Variants in FDFT1 observed in about 807,000 individuals in gnomAD.
FDFT1 encodes the protein farnesyl-diphosphate farnesyltransferase 1.
Under a neutral mutation model 46.8 loss-of-function variants are expected in FDFT1, and 68 were observed. The observed-to-expected ratio is 1.45, with a 90% CI of 1.19 to 1.78. The LOEUF (loss-of-function observed/expected upper bound fraction) is 1.78, where lower values mean the gene tolerates loss of function less well. Among genes scored for constraint, FDFT1 ranks in the 40% most tolerant of loss-of-function variants. FDFT1 has a pLI of 0.00. For missense variants in FDFT1, 928 were observed against 524.4 expected, an observed-to-expected ratio of 1.77 and a Z score of -7.52; for synonymous variants, 351 against 185.1, an observed-to-expected ratio of 1.90 and a Z score of -7.28.
At chr8:11,828,417 T>C (rs1446920397) in intron 5 of FDFT1, among the ~76,000 whole-genome samples, 2 of 152,238 alleles carry the variant, frequency 1.3e-5, no homozygotes, top group Non-Finnish European at 2.9e-5. Context: ...ACCCCTCTTT[T>C]GCAGACACAG....
At chr8:11,830,689 C>G (rs1810652604) in intron 6 of FDFT1, among the ~76,000 whole-genome samples, 1 of 152,288 alleles carries the variant, frequency 6.6e-6, no homozygotes, top group Non-Finnish European at 1.5e-5. Context: ...TTCTTTTCCT[C>G]ACAGTTAAGT....
upstream of FDFT1, among the ~76,000 whole-genome samples, chr8:11,798,515 A>T (rs536062699): frequency 1.3e-5 from 2 of 152,260 alleles, no homozygotes; most frequent in Non-Finnish European, 2.9e-5. Flanking sequence ...TGGACTCCAC[A>T]GGACTTGATG....
chr8:11,823,035 G>A (rs183949646), intron 4 of FDFT1, among the ~76,000 whole-genome samples: 8 of 152,254 alleles, frequency 5.3e-5, no homozygotes, highest in Admixed American at 2.0e-4. Flanking sequence ...GCTCCCCGCA[G>A]CCTCAACCTC....
intron 4 of FDFT1, among the ~76,000 whole-genome samples, chr8:11,824,130 C>T (rs779139139): frequency 7.2e-5 from 11 of 152,142 alleles, no homozygotes; most frequent in African/African-American, 9.7e-5. Flanking sequence ...CCCAAAATTC[C>T]GGGATTACAG....
intron 3 of FDFT1, among the ~76,000 whole-genome samples, chr8:11,816,871 C>A (rs887359936): frequency 2.0e-5 from 3 of 152,254 alleles, no homozygotes; most frequent in East Asian, 3.9e-4. Context: ...CTTTCTCTTG[C>A]CTGATTATCC....
chr8:11,831,330 A>AG (rs1480223233), intron 6 of FDFT1, among the ~76,000 whole-genome samples, 188 bp from the exon 7 acceptor site: 4 of 152,218 alleles, frequency 2.6e-5, no homozygotes, highest in Non-Finnish European at 5.9e-5. Flanking sequence ...TTGTTGAGAA[A>AG]GGGAGGAGTG....
chr8:11,796,932 G>A (rs1372782071), intron 1 of FDFT1, among the ~76,000 whole-genome samples: 1 of 152,250 alleles, frequency 6.6e-6, no homozygotes, highest in African/African-American at 2.4e-5. Flanking sequence ...TGCTCCGCAG[G>A]CAGTGTGCTG....
chr8:11,822,307 C>T (rs923060527), intron 4 of FDFT1, among the ~76,000 whole-genome samples: 10 of 151,564 alleles, frequency 6.6e-5, no homozygotes, highest in Non-Finnish European at 1.2e-4. Context: ...TTTCAGACAT[C>T]TAAAGTGTTG....
chr8:11,814,612 C>G (rs917049472), intron 3 of FDFT1, among the ~76,000 whole-genome samples: 1 of 152,130 alleles, frequency 6.6e-6, no homozygotes, highest in African/African-American at 2.4e-5. Context: ...ATTCTTTGAA[C>G]TTAAAACAAG....
chr8:11,816,483 A>C (rs1585915727), intron 3 of FDFT1, among the ~76,000 whole-genome samples: 1 of 152,222 alleles, frequency 6.6e-6, no homozygotes, highest in South Asian at 2.1e-4. Flanking sequence ...CACGATACTG[A>C]TTCTTCCTAT....
rs117409620 is a variant in FDFT1 at position 11,832,363 on chromosome 8, C to T, written c.1032+693C>T. Among the ~76,000 whole-genome samples the T allele has an allele frequency of 2.4e-3, 357 of 151,354 alleles. 7 individuals are homozygous for T. In the East Asian group the frequency reaches 0.042, roughly 18 times the overall value. ...TGAGGCCAGGAATTCAAGACCAGCC[C>T]GGGCGACATAGCAAGACCCCATTTC... On this transcript the variant is annotated intron_variant, in intron 7 of 7. Transcript: ENST00000220584.
At chr8:11,831,090 CT>C (rs1405750128) in intron 6 of FDFT1, among the ~76,000 whole-genome samples, 3 of 152,284 alleles carry the variant, frequency 2.0e-5, no homozygotes, top group South Asian at 2.1e-4. Context: ...TGTTCTCCCC[CT>C]GGCATTGGTT....
intron 1 of FDFT1, among the ~76,000 whole-genome samples, chr8:11,806,986 C>T (rs1049996188): frequency 1.3e-5 from 2 of 151,160 alleles, no homozygotes; most frequent in Non-Finnish European, 2.9e-5. Context: ...AAAGATTGAC[C>T]CTTTTGGCAA....
intron 7 of FDFT1, among the ~76,000 whole-genome samples, chr8:11,833,952 G>GT (rs1428313182): frequency 6.6e-6 from 1 of 152,178 alleles, no homozygotes; most frequent in Non-Finnish European, 1.5e-5. Flanking sequence ...CCTGTTAATG[G>GT]TTTTAGTTTC....
chr8:11,823,418 T>C (rs1031210497), intron 4 of FDFT1, among the ~76,000 whole-genome samples: 1 of 152,228 alleles, frequency 6.6e-6, no homozygotes, highest in Non-Finnish European at 1.5e-5. Flanking sequence ...TTGAAGATTT[T>C]GTATAGCTGT....
At chr8:11,802,957 G>A (rs577085981) in intron 1 of FDFT1, 26 bp downstream of exon 1, 23 of 1,576,608 alleles carry the variant, frequency 1.5e-5, no homozygotes, top group South Asian at 1.3e-4. Context: ...CTGCTTGCCC[G>A]GGGCGGGGAA....
rs543433278 is a variant in FDFT1 at position 11,802,925 on chromosome 8, G to A, written c.93G>A (p.Met31Ile). The part of the protein sequence containing the change: ...IGGKRKVMPK[M>I]DQDSLSSSLK... The stretch of plus-strand genomic sequence containing the variant: ...GCAAGCGGAAGGTGATGCCCAAGAT[G>A]GACCAGGTGGGCCGAGCCTCCCTGC... Residue 31 changes from methionine (M) to isoleucine (I), a missense_variant, in exon 1 of 8, where the codon ATG (methionine) becomes ATA (isoleucine). Physicochemically the swap from Met to Ile is conservative, Grantham distance 10. Transcript: ENST00000220584. The A allele has an allele frequency of 6.2e-6, 10 of 1,606,594 alleles. No homozygotes were observed. In the South Asian group the frequency reaches 1.1e-4, roughly 18 times the overall value.
At chr8:11,814,490 T>C (rs904561532) in intron 3 of FDFT1, among the ~76,000 whole-genome samples, 2 of 152,190 alleles carry the variant, frequency 1.3e-5, no homozygotes, top group Non-Finnish European at 2.9e-5. Context: ...GTATATTGCA[T>C]ACTTTCAATG....
chr8:11,826,139 T>A lies in FDFT1; in HGVS notation c.626T>A (p.Leu209Gln). 6.2e-7 allele frequency: 1 copy of A among 1,608,392 alleles called. No homozygotes were observed. Among genetic ancestry groups the A allele is most frequent in the Non-Finnish European group, 8.5e-7 (1 of 1,175,634 alleles). Residue 209 changes from leucine (L) to glutamine (Q), a missense_variant, in exon 5 of 8, where the codon CTG becomes CAG. Leu to Gln is a moderately radical substitution (Grantham distance 113). Coordinates refer to ENST00000220584, the MANE Select transcript of FDFT1 (RefSeq NM_004462.5). ...EDTERANSMG[L>Q]FLQKTNIIRD... is the part of the protein sequence containing the mutation. The stretch of plus-strand genomic sequence containing the variant: ...ACAGAACGTGCCAACTCTATGGGCC[T>A]GTTTTTGCAGAAAACAAACATCATC...
Sources: allele counts gnomAD v4.1 joint callset (sites outside exome capture counted in the v4.1 genomes callset), GRCh38; gene constraint gnomAD v4.1.1; transcripts MANE v1.5; gene names NCBI Gene and HGNC (gene_info 2026-07-23, HGNC 2026-07-21).